The following CNTNAP5 variants were observed in gnomAD, a reference collection of about 807,000 sequenced individuals.
CNTNAP5 encodes contactin-associated protein-like 5.
A neutral mutation model predicts 150.2 loss-of-function variants in CNTNAP5; 72 were observed. That is an observed-to-expected ratio of 0.48 (90% CI 0.40 to 0.58). The LOEUF is 0.58. Among genes scored for constraint, CNTNAP5 ranks in the 20% least tolerant of loss-of-function variants. The pLI is 0.00. For missense variants in CNTNAP5, 1,636 were observed against 1,626.2 expected, an observed-to-expected ratio of 1.01 and a Z score of -0.10; for synonymous variants, 672 against 619.8, an observed-to-expected ratio of 1.08 and a Z score of -1.25.
intron 6 of CNTNAP5, among the ~76,000 whole-genome samples, chr2:124,473,891 A>G (rs1478189750): frequency 1.3e-5 from 2 of 152,094 alleles, no homozygotes; most frequent in African/African-American, 4.8e-5. Flanking sequence ...AAAAGTTGTA[A>G]AAGAAGAAAA....
intron 13 of CNTNAP5, among the ~76,000 whole-genome samples, chr2:124,690,310 T>C (rs149373383): frequency 3.9e-5 from 6 of 152,212 alleles, no homozygotes; most frequent in Non-Finnish European, 8.8e-5. Context: ...GTATTAGTTA[T>C]TTATTTGAGG....
intron 3 of CNTNAP5, among the ~76,000 whole-genome samples, chr2:124,288,440 A>G (rs1050845269): frequency 4.2e-4 from 64 of 152,284 alleles, no homozygotes; most frequent in African/African-American, 1.4e-3. Context: ...AAAGAGCCCA[A>G]TCTAAGGCCT....
chr2:124,195,471 C>T (rs914976819), intron 1 of CNTNAP5, among the ~76,000 whole-genome samples: 4 of 152,068 alleles, frequency 2.6e-5, no homozygotes, highest in Non-Finnish European at 4.4e-5. Context: ...CGACAGAAGC[C>T]CCATAGACAT....
chr2:124,690,350 A>C (rs528374651), intron 13 of CNTNAP5, among the ~76,000 whole-genome samples: 19 of 152,124 alleles, frequency 1.2e-4, no homozygotes, highest in African/African-American at 4.3e-4. Context: ...TTTTCCTCTA[A>C]ACCAGTCTCC....
Position 124,902,864 on chromosome 2 carries a change from T to A in CNTNAP5, c.3437-18T>A. 1 of 1,572,544 alleles carries A rather than the reference T, an allele frequency of 6.4e-7. No individual in the cohort carries two copies. Reference sequence around the variant, plus strand: ...AACAAAAAAAGTAAAGGACTTCTGATTATCTTTTACATTGCAGAGAATCTT... The same window carrying A: ...AACAAAAAAAGTAAAGGACTTCTGAATATCTTTTACATTGCAGAGAATCTT... On this transcript the variant is annotated intron_variant, in intron 21 of 23. Transcript: ENST00000682447.
intron 3 of CNTNAP5, among the ~76,000 whole-genome samples, chr2:124,411,313 G>T (rs1442157370): frequency 6.6e-6 from 1 of 152,064 alleles, no homozygotes; most frequent in Non-Finnish European, 1.5e-5. Flanking sequence ...GGAGGAACTG[G>T]TACCATTCCT....
At chr2:124,401,417 CT>C (rs1265879568) in intron 3 of CNTNAP5, among the ~76,000 whole-genome samples, 1 of 152,146 alleles carries the variant, frequency 6.6e-6, no homozygotes, top group Non-Finnish European at 1.5e-5. Context: ...ATTTTATCTT[CT>C]AGTACTAAGT....
intron 11 of CNTNAP5, among the ~76,000 whole-genome samples, chr2:124,604,658 C>T (rs1436754337): frequency 2.0e-5 from 3 of 152,264 alleles, no homozygotes; most frequent in East Asian, 1.9e-4. Context: ...ATTAGATTAA[C>T]CACCTACAAG....
intron 19 of CNTNAP5, among the ~76,000 whole-genome samples, chr2:124,800,198 C>A (rs1681937396): frequency 6.6e-6 from 1 of 152,150 alleles, no homozygotes; most frequent in Admixed American, 6.5e-5. Context: ...CTAATGATGT[C>A]ATTGGACCAT....
At chr2:124,219,940 G>A (rs1020260964) in intron 1 of CNTNAP5, among the ~76,000 whole-genome samples, 5 of 151,744 alleles carry the variant, frequency 3.3e-5, no homozygotes, top group South Asian at 2.1e-4. Context: ...GATCTGGCTC[G>A]GTTTTGTATT....
chr2:124,029,398 A>G (rs903610956), intron 1 of CNTNAP5, among the ~76,000 whole-genome samples: 3 of 152,024 alleles, frequency 2.0e-5, no homozygotes, highest in Admixed American at 6.6e-5. Flanking sequence ...GAAGAGTCCT[A>G]AAGATTTTCC....
At position 124,569,882 on chromosome 2, in the gene CNTNAP5, A is replaced by G. The variant is rs541605692; in HGVS notation, c.1756+6559A>G. On this transcript the variant is annotated intron_variant, in intron 11 of 23. Transcript: ENST00000682447. ...TTGCAGAGGGACAACACTTGCTTTA[A>G]CAGTAGGTAAATGGTCCTTTGACTG... Among the ~76,000 whole-genome samples, 91 of 152,340 alleles carry G rather than the reference A, an allele frequency of 6.0e-4. 1 individual carries two copies. The highest frequency in any genetic ancestry group is 2.0e-3 in the African/African-American group (85 of 41,594).
chr2:124,085,603 A>G (rs1682669267), intron 1 of CNTNAP5, among the ~76,000 whole-genome samples: 1 of 151,854 alleles, frequency 6.6e-6, no homozygotes, highest in Non-Finnish European at 1.5e-5. Context: ...TGCAGCTTGG[A>G]TGATTGACTT....
In CNTNAP5 at chr2:124,221,717, A is replaced by T. The variant is rs778499567; in HGVS notation, c.95A>T (p.Asp32Val). The T allele has an allele frequency of 6.2e-7, 1 of 1,608,254 alleles. No individual in the cohort carries two copies. Among genetic ancestry groups the T allele is most frequent in the African/African-American group, 1.3e-5 (1 of 74,754 alleles). ...GLTATNYNCD[D>V]PLASLLSPMA... Reference sequence around the variant, plus strand: ...CCTATCATTATAGACAACTGTGATGATCCACTAGCATCCCTGCTCTCTCCA... The same window carrying T: ...CCTATCATTATAGACAACTGTGATGTTCCACTAGCATCCCTGCTCTCTCCA... The change falls in exon 2 of 24, where the codon GAT becomes GTT. Residue 32 changes from aspartate to valine, a missense_variant. Transcript: ENST00000682447.
intron 8 of CNTNAP5, among the ~76,000 whole-genome samples, chr2:124,512,085 G>A (rs906387331): frequency 6.6e-6 from 1 of 151,960 alleles, no homozygotes; most frequent in Non-Finnish European, 1.5e-5. Context: ...CCTGCAGAGA[G>A]AAATCCAGGC....
chr2:124,796,873 C>G (rs1396452234), intron 18 of CNTNAP5, among the ~76,000 whole-genome samples: 3 of 152,130 alleles, frequency 2.0e-5, no homozygotes, highest in Non-Finnish European at 4.4e-5. Context: ...TATGAAAGAG[C>G]CTTCCCCACA....
chr2:124,510,741 C>T (rs760361541), intron 8 of CNTNAP5, among the ~76,000 whole-genome samples: 87 of 151,984 alleles, frequency 5.7e-4, no homozygotes, highest in East Asian at 7.8e-4. Context: ...TAATTTTCCC[C>T]GTGCCCCATG....
intron 11 of CNTNAP5, among the ~76,000 whole-genome samples, chr2:124,598,216 C>G (rs994191668): frequency 1.4e-5 from 2 of 138,616 alleles, no homozygotes; most frequent in African/African-American, 5.4e-5. Flanking sequence ...GGAGGAGAGG[C>G]GCTCTGCATT....
At chr2:124,760,717 G>A (rs1680938794) in intron 14 of CNTNAP5, among the ~76,000 whole-genome samples, 1 of 151,974 alleles carries the variant, frequency 6.6e-6, no homozygotes, top group Non-Finnish European at 1.5e-5. Context: ...CTGGTGTGGG[G>A]TGCCGTTTCT....
Sources: gnomAD v4.1 joint callset for allele counts (sites outside exome capture counted in the v4.1 genomes callset) on GRCh38, gnomAD v4.1.1 for gene constraint, MANE v1.5 for transcripts, NCBI Gene and HGNC (gene_info 2026-07-23, HGNC 2026-07-21) for gene names.